GABRG3: variants seen among roughly 807,000 people sequenced by gnomAD.
GABRG3 encodes gamma-aminobutyric acid type A receptor subunit gamma3, also known as gamma-aminobutyric acid receptor subunit gamma-3.
In GABRG3, 25 loss-of-function variants were observed where a neutral mutation model predicts 48.8. That is an observed-to-expected ratio of 0.51 (90% CI 0.37 to 0.72). The LOEUF is 0.72. Ranked by LOEUF, GABRG3 falls within the 30% of genes least tolerant of loss-of-function variation. The pLI is 0.00. For synonymous variants in GABRG3, 227 were observed against 217.6 expected (o/e 1.04, Z -0.38); for missense variants, 394 against 577.9 (o/e 0.68, Z 3.26).
At chr15:27,310,688 A>G (rs1892965688) in intron 3 of GABRG3, among the ~76,000 whole-genome samples, 1 of 152,130 alleles carries the variant, frequency 6.6e-6, no homozygotes, top group Non-Finnish European at 1.5e-5. Context: ...CTGAATAAAA[A>G]GAAGAAGTTT....
intron 3 of GABRG3, among the ~76,000 whole-genome samples, chr15:27,286,954 C>T (rs897027984): frequency 2.6e-5 from 4 of 152,168 alleles, no homozygotes; most frequent in Non-Finnish European, 4.4e-5. Context: ...CTGAAGTGAT[C>T]CGTGGCTCCA....
chr15:27,393,344 C>CAAAAAAAA (rs34689012), intron 5 of GABRG3, among the ~76,000 whole-genome samples: 1 of 113,004 alleles, frequency 8.8e-6, no homozygotes, highest in Admixed American at 8.4e-5. Flanking sequence ...ACTCCGTCTC[C>CAAAAAAAA]AAAAAAAAAA....
chr15:27,489,712 T>G (rs1474046909), intron 6 of GABRG3, among the ~76,000 whole-genome samples: 2 of 152,328 alleles, frequency 1.3e-5, no homozygotes, highest in East Asian at 3.9e-4. Flanking sequence ...ACCTACTTTT[T>G]GATGGGGTTG....
chr15:27,227,215 G>A (rs1041307708), intron 3 of GABRG3, among the ~76,000 whole-genome samples: 2 of 152,122 alleles, frequency 1.3e-5, no homozygotes, highest in African/African-American at 4.8e-5. Flanking sequence ...GCCAGGCTTC[G>A]TAGCTCATGC....
chr15:27,195,010 C>T (rs749910492), intron 3 of GABRG3, among the ~76,000 whole-genome samples: 1 of 152,058 alleles, frequency 6.6e-6, no homozygotes, highest in Non-Finnish European at 1.5e-5. Flanking sequence ...TTAATCTGTC[C>T]TCAATTCTAT....
At chr15:27,449,566 C>T (rs978780234) in intron 5 of GABRG3, among the ~76,000 whole-genome samples, 2 of 152,144 alleles carry the variant, frequency 1.3e-5, no homozygotes, top group Admixed American at 1.3e-4. Flanking sequence ...TTTGAGATTC[C>T]TCCATGTTGT....
intron 6 of GABRG3, among the ~76,000 whole-genome samples, chr15:27,483,466 T>C (rs1170941130): frequency 6.6e-6 from 1 of 152,226 alleles, no homozygotes; most frequent in Non-Finnish European, 1.5e-5. Context: ...GATAAGGTCA[T>C]GTTCACAGGT....
At position 27,504,291 on chromosome 15, in the gene GABRG3, CTCT is replaced by C. The variant is rs141490414; in HGVS notation, c.713-15674_713-15672del. 3.2e-4 allele frequency among the ~76,000 whole-genome samples: 48 copies of C among 149,524 alleles called. No homozygotes were observed. The East Asian group carries it at 5.9e-3, about 18-fold the overall frequency. ...CGTCTATTTTTTGTTCACATTTTTC[CTCT>C]TCTTCTACCTTCTTTCATATTGATT... is the stretch of plus-strand genomic sequence containing the variant. On this transcript the variant is annotated intron_variant, in intron 6 of 9. Coordinates refer to ENST00000615808, the MANE Select transcript of GABRG3 (RefSeq NM_033223.5).
intron 2 of GABRG3, among the ~76,000 whole-genome samples, chr15:26,993,179 T>G (rs1240718757): frequency 6.6e-6 from 1 of 152,068 alleles, no homozygotes; most frequent in East Asian, 1.9e-4. Flanking sequence ...CATTGATCTT[T>G]TGCATTATTT....
At chr15:27,408,141 A>G (rs1339831302) in intron 5 of GABRG3, among the ~76,000 whole-genome samples, 1 of 152,222 alleles carries the variant, frequency 6.6e-6, no homozygotes, top group African/African-American at 2.4e-5. Flanking sequence ...ATCACAGACT[A>G]GTAGATCTGG....
At chr15:27,171,519 T>TATATATATATATATAC (rs1298681977) in intron 3 of GABRG3, among the ~76,000 whole-genome samples, 1 of 148,376 alleles carries the variant, frequency 6.7e-6, no homozygotes. Context: ...TATATATATA[T>TATATATATATATATAC]ATATACATAT....
intron 5 of GABRG3, among the ~76,000 whole-genome samples, chr15:27,473,885 C>A: frequency 6.6e-6 from 1 of 152,212 alleles, no homozygotes; most frequent in Admixed American, 6.5e-5. Context: ...GAAGTTAACA[C>A]AAAGTATATG....
chr15:27,116,346 GC>G (rs1157870614), intron 3 of GABRG3, among the ~76,000 whole-genome samples: 47 of 152,222 alleles, frequency 3.1e-4, no homozygotes, highest in African/African-American at 9.9e-4. Context: ...TACAATAATA[GC>G]CTTTATGATT....
At position 27,447,990 on chromosome 15, in the gene GABRG3, T is replaced by TA. The variant is rs1191886970; in HGVS notation, c.575-32657dup. Among the ~76,000 whole-genome samples, 1 of 152,162 alleles carries TA rather than the reference T, an allele frequency of 6.6e-6. No individual in the cohort carries two copies. The highest frequency in any genetic ancestry group is 2.4e-5 in the African/African-American group (1 of 41,418). ...TGTTCTGCACATGTATCCCAGAACT[T>TA]AAAGTATAATAAGATAAAATACACA... On this transcript the variant is annotated intron_variant, in intron 5 of 9. Coordinates refer to ENST00000615808, the MANE Select transcript of GABRG3 (RefSeq NM_033223.5). The surrounding 1 kb of genome is among the most constrained non-coding windows in gnomAD (Gnocchi z 4.0).
rs369332781 is a variant in GABRG3 at position 27,045,772 on chromosome 15, A to T, written c.270+18951A>T. Among the ~76,000 whole-genome samples, 17 of 152,216 alleles carry T rather than the reference A, an allele frequency of 1.1e-4. No homozygotes were observed. In the East Asian group the frequency reaches 1.4e-3, roughly 12 times the overall value. ...AACGTCTTTTTGGAGACAGGGAACC[A>T]AGTGCAGTGAGACAGCGGTCAATGC... On this transcript the variant is annotated intron_variant, in intron 3 of 9. Transcript: ENST00000615808.
Position 27,236,592 on chromosome 15 carries a change from C to T in GABRG3, c.271-90217C>T, listed in dbSNP as rs1889974186. 6.6e-6 allele frequency among the ~76,000 whole-genome samples: 1 copy of T among 152,180 alleles called. No homozygotes were observed. The highest frequency in any genetic ancestry group is 2.4e-5 in the African/African-American group (1 of 41,450). On this transcript the variant is annotated intron_variant, in intron 3 of 9. Coordinates refer to ENST00000615808, the MANE Select transcript of GABRG3 (RefSeq NM_033223.5). The surrounding 1 kb of genome is among the most constrained non-coding windows in gnomAD (Gnocchi z 4.4). The stretch of plus-strand genomic sequence containing the variant: ...GAGGCCAGGATCAGACTCCGCCTCC[C>T]TCTTTACAGCCTCAGCGTGACAGCC...
intron 3 of GABRG3, among the ~76,000 whole-genome samples, chr15:27,215,174 A>G (rs1009219105): frequency 7.2e-5 from 11 of 152,214 alleles, no homozygotes; most frequent in Non-Finnish European, 1.5e-4. Context: ...CATGTTTTAG[A>G]TAACTCCTTG....
chr15:27,449,846 T>C (rs1357843260), intron 5 of GABRG3, among the ~76,000 whole-genome samples: 1 of 152,230 alleles, frequency 6.6e-6, no homozygotes, highest in African/African-American at 2.4e-5. Flanking sequence ...TTAGAAATAA[T>C]CTTGTGTTCT....
Position 27,485,123 on chromosome 15 carries a change from C to T in GABRG3, c.712+4336C>T, listed in dbSNP as rs145755003. ...ACGTCTGGTGAACACCACTTGGCCA[C>T]GTGATCGGTGAACATGGTCAGTGAT... On this transcript the variant is annotated intron_variant, in intron 6 of 9. Coordinates refer to ENST00000615808, the MANE Select transcript of GABRG3 (RefSeq NM_033223.5). Among the ~76,000 whole-genome samples, 855 of 152,252 alleles carry T rather than the reference C, an allele frequency of 5.6e-3. 16 individuals carry two copies. The highest frequency in any genetic ancestry group is 0.019 in the African/African-American group (809 of 41,542).
Sources: gnomAD v4.1 joint callset for allele counts (sites outside exome capture counted in the v4.1 genomes callset) on GRCh38, gnomAD v4.1.1 for gene constraint, Gnocchi (gnomAD v3.1) non-coding constraint, MANE v1.5 for transcripts, NCBI Gene and HGNC (gene_info 2026-07-23, HGNC 2026-07-21) for gene names.